Variants in PARD3B observed in about 807,000 individuals in gnomAD.
The protein encoded by PARD3B is par-3 family cell polarity regulator beta, also known as partitioning defective 3 homolog B.
A neutral mutation model predicts 130.2 loss-of-function variants in PARD3B; 103 were observed. The ratio of observed to expected loss-of-function variants is 0.79; its 90% CI spans 0.67 to 0.93. PARD3B has a LOEUF of 0.93. PARD3B is among the 40% of genes least tolerant of loss of function. The pLI is 0.00. For missense variants in PARD3B, 1,609 were observed against 1,499.2 expected (o/e 1.07, Z -1.21); for synonymous variants, 583 against 553.2 (o/e 1.05, Z -0.76).
chr2:205,594,612 C>T (rs950831965), intron 22 of PARD3B, among the ~76,000 whole-genome samples: 14 of 152,154 alleles, frequency 9.2e-5, no homozygotes, highest in African/African-American at 3.4e-4. Flanking sequence ...CTTCACTTGA[C>T]CATGACCTCC....
intron 22 of PARD3B, among the ~76,000 whole-genome samples, chr2:205,573,332 A>T (rs147799963): frequency 7.8e-4 from 119 of 152,240 alleles, no homozygotes; most frequent in Middle Eastern, 3.4e-3. Flanking sequence ...GTGCCAGAGA[A>T]AACTCTGGAG....
intron 2 of PARD3B, among the ~76,000 whole-genome samples, chr2:204,791,093 A>G (rs1036726910): frequency 4.1e-5 from 6 of 146,562 alleles, no homozygotes; most frequent in African/African-American, 1.0e-4. Context: ...TAGCAGATCT[A>G]GACTCTGTCT....
At chr2:204,976,317 C>A (rs987081205) in intron 3 of PARD3B, among the ~76,000 whole-genome samples, 1 of 152,168 alleles carries the variant, frequency 6.6e-6, no homozygotes, top group Non-Finnish European at 1.5e-5. Flanking sequence ...AAATATGGCA[C>A]TGCAACTTAC....
intron 2 of PARD3B, among the ~76,000 whole-genome samples, chr2:204,901,962 G>C (rs2125707153): frequency 6.6e-6 from 1 of 152,116 alleles, no homozygotes; most frequent in South Asian, 2.1e-4. Context: ...TGGTTGAGCT[G>C]GTATCCCAGT....
intron 2 of PARD3B, among the ~76,000 whole-genome samples, chr2:204,942,639 A>G (rs890755218): frequency 3.9e-5 from 6 of 152,206 alleles, no homozygotes; most frequent in Non-Finnish European, 5.9e-5. Flanking sequence ...AAAAAAAGAC[A>G]AGTAGTTATA....
intron 2 of PARD3B, among the ~76,000 whole-genome samples, chr2:204,889,333 G>A (rs957310109): frequency 4.6e-5 from 7 of 152,176 alleles, no homozygotes; most frequent in African/African-American, 1.7e-4. Context: ...TATAGAGAAT[G>A]CCCTGTGATA....
At chr2:205,369,050 A>G (rs1434385921) in intron 18 of PARD3B, among the ~76,000 whole-genome samples, 2 of 152,170 alleles carry the variant, frequency 1.3e-5, no homozygotes, top group African/African-American at 4.8e-5. Flanking sequence ...ACCCTGTTGC[A>G]TATTTCAAGT....
chr2:205,442,045 C>T (rs925087791), intron 20 of PARD3B, among the ~76,000 whole-genome samples: 1 of 152,160 alleles, frequency 6.6e-6, no homozygotes, highest in African/African-American at 2.4e-5. Flanking sequence ...AGTCTCTTCT[C>T]ACCCAAACCA....
intron 22 of PARD3B, among the ~76,000 whole-genome samples, chr2:205,570,351 A>T (rs1423263318): frequency 6.6e-6 from 1 of 152,182 alleles, no homozygotes; most frequent in Non-Finnish European, 1.5e-5. Context: ...TTAAATCCTC[A>T]CATTATAGTT....
chr2:204,891,400 G>T (rs1298063560), intron 2 of PARD3B, among the ~76,000 whole-genome samples: 3 of 152,086 alleles, frequency 2.0e-5, no homozygotes, highest in Admixed American at 6.5e-5. Context: ...AGATGTTTTT[G>T]TATGCTGCGT....
At chr2:205,071,474 G>A (rs1700725813) in intron 4 of PARD3B, among the ~76,000 whole-genome samples, 3 of 152,110 alleles carry the variant, frequency 2.0e-5, no homozygotes, top group Admixed American at 2.0e-4. Flanking sequence ...ATCCAGAGTT[G>A]AAATCAATGT....
intron 21 of PARD3B, among the ~76,000 whole-genome samples, chr2:205,541,704 T>G (rs1412243599): frequency 6.6e-6 from 1 of 151,968 alleles, no homozygotes; most frequent in Non-Finnish European, 1.5e-5. Flanking sequence ...TGGCAATGAG[T>G]ACAGCCAATC....
chr2:204,854,702 G>A (rs1461376363), intron 2 of PARD3B, among the ~76,000 whole-genome samples: 2 of 152,110 alleles, frequency 1.3e-5, no homozygotes, highest in Non-Finnish European at 2.9e-5. Flanking sequence ...ACAGAGGATA[G>A]CCCATAGTTC....
At chr2:205,554,749 C>G (rs1439987847) in intron 22 of PARD3B, among the ~76,000 whole-genome samples, 1 of 152,124 alleles carries the variant, frequency 6.6e-6, no homozygotes, top group African/African-American at 2.4e-5. Context: ...TGTCATTATT[C>G]CCTAAACAGC....
intron 1 of PARD3B, among the ~76,000 whole-genome samples, chr2:204,681,766 T>C (rs1368335091): frequency 6.6e-6 from 1 of 152,140 alleles, no homozygotes; most frequent in African/African-American, 2.4e-5. Flanking sequence ...CTGGGTGCAT[T>C]GTGGGGCATC....
intron 10 of PARD3B, among the ~76,000 whole-genome samples, chr2:205,126,669 C>T (rs1418183995): frequency 3.8e-4 from 55 of 143,948 alleles, no homozygotes; most frequent in Non-Finnish European, 6.9e-4. Flanking sequence ...TGGCGTGAAC[C>T]CGGGAAGCGG....
chr2:205,494,757 AG>A (rs2049862650), intron 20 of PARD3B, among the ~76,000 whole-genome samples: 2 of 152,184 alleles, frequency 1.3e-5, no homozygotes. Flanking sequence ...CTTTCTTGCG[AG>A]GCAACATGAT....
intron 16 of PARD3B, among the ~76,000 whole-genome samples, chr2:205,295,954 T>C (rs954898179): frequency 6.6e-5 from 10 of 152,204 alleles, no homozygotes; most frequent in African/African-American, 2.4e-4. Flanking sequence ...TAAGGAGTTG[T>C]TTCCCTTTTT....
intron 21 of PARD3B, among the ~76,000 whole-genome samples, chr2:205,502,786 T>G (rs961469069): frequency 1.4e-4 from 21 of 152,032 alleles, no homozygotes; most frequent in African/African-American, 5.1e-4. Context: ...TTTATTAGGG[T>G]CTATGAATAT....
Sources: gnomAD v4.1 joint callset for allele counts (sites outside exome capture counted in the v4.1 genomes callset) on GRCh38, gnomAD v4.1.1 for gene constraint, MANE v1.5 for transcripts, NCBI Gene and HGNC (gene_info 2026-07-23, HGNC 2026-07-21) for gene names.